CHLSN: variants seen among roughly 807,000 people sequenced by gnomAD.
CHLSN encodes protein cholesin.
chr7:1,030,476 G>A, the CHLSN span, among the ~76,000 whole-genome samples: 2 of 152,150 alleles, frequency 1.3e-5, no homozygotes, highest in South Asian at 2.1e-4. Flanking sequence ...ACGTGGTGCC[G>A]GCTGAGGACC....
chr7:978,905 AC>A, the CHLSN span, among the ~76,000 whole-genome samples: 1 of 152,226 alleles, frequency 6.6e-6, no homozygotes, highest in African/African-American at 2.4e-5. Context: ...TGGAGGATCC[AC>A]TCACGATGGC....
At chr7:1,072,605 A>G in the CHLSN span, among the ~76,000 whole-genome samples, 1 of 151,940 alleles carries the variant, frequency 6.6e-6, no homozygotes, top group Admixed American at 6.5e-5. Flanking sequence ...GGGCAACACC[A>G]GTGCCGCCAG....
At chr7:1,088,366 G>A in the CHLSN span, 1 of 152,296 alleles carries the variant, frequency 6.6e-6, no homozygotes, top group East Asian at 1.9e-4. The surrounding 1 kb of genome is among the most constrained non-coding windows in gnomAD (Gnocchi z 4.5). Flanking sequence ...ACTGACTAGG[G>A]GAGCGGGTGG....
the CHLSN span, among the ~76,000 whole-genome samples, chr7:1,019,865 C>G: frequency 6.6e-6 from 1 of 152,240 alleles, no homozygotes; most frequent in Admixed American, 6.5e-5. Flanking sequence ...AGGAAGTGGA[C>G]AGTTCCCACA....
the CHLSN span, among the ~76,000 whole-genome samples, chr7:1,077,519 C>T: frequency 2.6e-5 from 4 of 152,138 alleles, no homozygotes; most frequent in African/African-American, 9.7e-5. Context: ...TGAGCCACCG[C>T]GCCCGGCCCC....
chr7:979,364 C>A, the CHLSN span, among the ~76,000 whole-genome samples: 17 of 152,174 alleles, frequency 1.1e-4, no homozygotes, highest in African/African-American at 4.1e-4. Flanking sequence ...AAGAGTCCAT[C>A]TCGTCATAGA....
the CHLSN span, among the ~76,000 whole-genome samples, chr7:980,460 TG>T: frequency 6.6e-6 from 1 of 152,252 alleles, no homozygotes; most frequent in South Asian, 2.1e-4. Flanking sequence ...AACAATGCCT[TG>T]GCTCAGCCAC....
At chr7:1,059,664 TC>T in the CHLSN span, among the ~76,000 whole-genome samples, 3 of 44,440 alleles carry the variant, frequency 6.8e-5, no homozygotes, top group African/African-American at 2.6e-4. Flanking sequence ...GGGGGGCGGG[TC>T]CATAGTGAGG....
chr7:1,028,666 C>A, the CHLSN span: 1 of 823,438 alleles, frequency 1.2e-6, no homozygotes, highest in Admixed American at 6.5e-5. Flanking sequence ...CAGCCCCTAT[C>A]GTCCCCCTAC....
chr7:1,098,459 T>A, the CHLSN span, among the ~76,000 whole-genome samples: 1 of 152,194 alleles, frequency 6.6e-6, no homozygotes, highest in African/African-American at 2.4e-5. Context: ...GAACAAAGCG[T>A]GGACCACACC....
chr7:985,148 G>A, the CHLSN span: 7 of 1,598,154 alleles, frequency 4.4e-6, no homozygotes, highest in Middle Eastern at 1.7e-4. Context: ...ACGTGCCTGA[G>A]GCCCGTCTCC....
chr7:1,002,332 T>G, the CHLSN span, among the ~76,000 whole-genome samples: 2 of 104,398 alleles, frequency 1.9e-5, no homozygotes, highest in African/African-American at 3.8e-5. Context: ...CCTGTGGGTG[T>G]GGAGCCCTGT....
At chr7:995,771 G>A in the CHLSN span, among the ~76,000 whole-genome samples, 9 of 152,262 alleles carry the variant, frequency 5.9e-5, no homozygotes, top group Non-Finnish European at 8.8e-5. Context: ...ACCAGGAGGG[G>A]CTGGACTCCT....
At chr7:1,037,366 T>C in the CHLSN span, among the ~76,000 whole-genome samples, 2 of 134,920 alleles carry the variant, frequency 1.5e-5, no homozygotes, top group East Asian at 2.0e-4. Context: ...CTGATTCTCC[T>C]GCCTCAGCCT....
At chr7:1,028,361 C>G in the CHLSN span, 1 of 996,858 alleles carries the variant, frequency 1.0e-6, no homozygotes, top group Non-Finnish European at 1.2e-6. Flanking sequence ...CTCAGCGCCT[C>G]CACACTGCGC....
the CHLSN span, among the ~76,000 whole-genome samples, chr7:1,013,256 C>T: frequency 6.6e-6 from 1 of 152,224 alleles, no homozygotes. Flanking sequence ...GTTTCACTAG[C>T]AAATAAGAAC....
At chr7:1,061,544 C>T in the CHLSN span, among the ~76,000 whole-genome samples, 1 of 152,154 alleles carries the variant, frequency 6.6e-6, no homozygotes, top group Non-Finnish European at 1.5e-5. Flanking sequence ...GGAGCTGCGT[C>T]GCTGACTGTT....
chr7:1,121,487 C>A, the CHLSN span, among the ~76,000 whole-genome samples: 8 of 152,200 alleles, frequency 5.3e-5, no homozygotes, highest in African/African-American at 1.9e-4. Flanking sequence ...AAGTTCACGG[C>A]CTCATTTGAT....
chr7:1,093,606 C>A, the CHLSN span: 3 of 471,142 alleles, frequency 6.4e-6, no homozygotes, highest in Middle Eastern at 6.5e-4. Flanking sequence ...CTCATGTGGA[C>A]TGGGACCGTG....
Sources: allele counts gnomAD v4.1 joint callset (sites outside exome capture counted in the v4.1 genomes callset), GRCh38; gene constraint gnomAD v4.1.1; non-coding constraint Gnocchi (gnomAD v3.1); transcripts MANE v1.5; gene names NCBI Gene and HGNC (gene_info 2026-07-23, HGNC 2026-07-21).